Variants in GRID2 observed in about 807,000 individuals in gnomAD.
The protein encoded by GRID2 is glutamate receptor ionotropic, delta-2.
A neutral mutation model predicts 114.8 loss-of-function variants in GRID2; 33 were observed. The ratio of observed to expected loss-of-function variants is 0.29; its 90% CI spans 0.22 to 0.38. GRID2 has a LOEUF of 0.38. Among genes scored for constraint, GRID2 ranks in the 10% least tolerant of loss-of-function variants. The pLI, the probability that GRID2 is intolerant of heterozygous loss-of-function variation, is 1.00. For missense variants in GRID2, 1,184 were observed against 1,257.7 expected, an observed-to-expected ratio of 0.94 and a Z score of 0.89; for synonymous variants, 505 against 449.9, an observed-to-expected ratio of 1.12 and a Z score of -1.55.
At chr4:93,756,259 T>C (rs908603480) in intron 14 of GRID2, among the ~76,000 whole-genome samples, 2 of 152,100 alleles carry the variant, frequency 1.3e-5, no homozygotes, top group Admixed American at 6.5e-5. Flanking sequence ...CATTCCAAAA[T>C]TGGAAAAGTG....
intron 1 of GRID2, among the ~76,000 whole-genome samples, chr4:93,782,998 A>G (rs1220581443): frequency 2.0e-5 from 3 of 152,196 alleles, no homozygotes; most frequent in Non-Finnish European, 4.4e-5. Context: ...ACACAATGTA[A>G]GACTTTCAAA....
At chr4:92,825,481 G>A (rs1210376611) in intron 2 of GRID2, among the ~76,000 whole-genome samples, 1 of 152,074 alleles carries the variant, frequency 6.6e-6, no homozygotes, top group African/African-American at 2.4e-5. Flanking sequence ...TCTTAACATG[G>A]CCAAATGCCA....
intron 2 of GRID2, among the ~76,000 whole-genome samples, chr4:92,766,794 C>T (rs1163505257): frequency 1.3e-5 from 2 of 152,194 alleles, no homozygotes; most frequent in East Asian, 3.9e-4. Flanking sequence ...AACTTTATCT[C>T]TGTATTCATA....
At chr4:93,065,633 A>G (rs1728227899) in intron 2 of GRID2, among the ~76,000 whole-genome samples, 1 of 151,942 alleles carries the variant, frequency 6.6e-6, no homozygotes, top group Non-Finnish European at 1.5e-5. Context: ...ATTCAGAACT[A>G]AAGCTTGGGA....
At chr4:93,698,624 C>A (rs955601716) in intron 14 of GRID2, among the ~76,000 whole-genome samples, 12 of 152,096 alleles carry the variant, frequency 7.9e-5, no homozygotes, top group African/African-American at 2.9e-4. Flanking sequence ...TAATAACTGG[C>A]TGGCATTATA....
chr4:92,311,773 G>A (rs1475823771), intron 1 of GRID2, among the ~76,000 whole-genome samples: 2 of 151,774 alleles, frequency 1.3e-5, no homozygotes, highest in African/African-American at 4.8e-5. Flanking sequence ...GTGCTAATTG[G>A]GAGAATATTC....
chr4:92,699,304 A>C (rs1399518480), intron 2 of GRID2, among the ~76,000 whole-genome samples: 1 of 152,136 alleles, frequency 6.6e-6, no homozygotes, highest in Non-Finnish European at 1.5e-5. Flanking sequence ...TAATGATATT[A>C]ATTTTAAATA....
chr4:92,705,800 T>G lies in GRID2; in HGVS notation c.244+115514T>G, dbSNP rs114352586. Among the ~76,000 whole-genome samples, 366 of 152,310 alleles carry G rather than the reference T, an allele frequency of 2.4e-3. 2 individuals are homozygous for G. The highest frequency in any genetic ancestry group is 8.7e-3 in the African/African-American group (360 of 41,564). ...TATGTATTAGAATGCTGTCAGTAACTTATTATAGTATCTTATTGGATGGTC... is the reference window on the plus strand; with the variant it reads ...TATGTATTAGAATGCTGTCAGTAACGTATTATAGTATCTTATTGGATGGTC... On this transcript the variant is annotated intron_variant, in intron 2 of 15. Coordinates refer to ENST00000282020, the MANE Select transcript of GRID2 (RefSeq NM_001510.4).
In GRID2 at chr4:93,518,716, G is replaced by A. The variant is rs542865645; in HGVS notation, c.2193+3305G>A. The stretch of plus-strand genomic sequence containing the variant: ...TGCTTTATTAAATCAGGTAGCCAGG[G>A]AAGGCTTCACTAAGAAAATAACATT... On this transcript the variant is annotated intron_variant, in intron 13 of 15. Transcript: ENST00000282020. Among the ~76,000 whole-genome samples the A allele has an allele frequency of 7.2e-5, 11 of 152,160 alleles. No homozygotes were observed. In the East Asian group the frequency reaches 2.1e-3, roughly 29 times the overall value.
At chr4:93,259,030 A>G (rs1302261879) in intron 8 of GRID2, 2 of 397,926 alleles carry the variant, frequency 5.0e-6, no homozygotes, top group Non-Finnish European at 9.9e-6. Flanking sequence ...CAGAAAGGGA[A>G]AAAAGATTAA....
intron 2 of GRID2, among the ~76,000 whole-genome samples, chr4:92,694,048 A>G (rs1447077618): frequency 6.6e-6 from 1 of 152,132 alleles, no homozygotes; most frequent in Non-Finnish European, 1.5e-5. Context: ...GGAGATAGTG[A>G]AGGGGATGAA....
chr4:93,502,766 C>A (rs1443564115), intron 12 of GRID2, among the ~76,000 whole-genome samples: 1 of 146,188 alleles, frequency 6.8e-6, no homozygotes, highest in Non-Finnish European at 1.5e-5. Context: ...CGTACTACAG[C>A]CTCCATTTCT....
intron 8 of GRID2, among the ~76,000 whole-genome samples, chr4:93,327,117 T>C (rs1757919628): frequency 6.6e-6 from 1 of 152,200 alleles, no homozygotes; most frequent in Admixed American, 6.5e-5. Context: ...TTTATATTCT[T>C]TTCCTAAATG....
chr4:92,650,118 GA>G, intron 2 of GRID2, among the ~76,000 whole-genome samples: 1 of 151,944 alleles, frequency 6.6e-6, no homozygotes. Context: ...TAGGAGAGGG[GA>G]AAAACAATAG....
chr4:92,308,682 T>A (rs2110105707), intron 1 of GRID2, among the ~76,000 whole-genome samples: 1 of 152,160 alleles, frequency 6.6e-6, no homozygotes, highest in South Asian at 2.1e-4. Flanking sequence ...CACTAAGGAT[T>A]ATTTTGACAA....
At chr4:92,810,669 T>A (rs1019208429) in intron 2 of GRID2, among the ~76,000 whole-genome samples, 1 of 152,258 alleles carries the variant, frequency 6.6e-6, no homozygotes, top group East Asian at 1.9e-4. Context: ...TGAATGGAAG[T>A]GTAATAGTAA....
intron 2 of GRID2, among the ~76,000 whole-genome samples, chr4:92,941,811 T>C (rs1175672030): frequency 6.6e-6 from 1 of 152,218 alleles, no homozygotes; most frequent in Admixed American, 6.5e-5. Flanking sequence ...TATTTCTGCG[T>C]TCATTTTTTT....
At chr4:93,090,935 T>C (rs1014969324) in intron 3 of GRID2, among the ~76,000 whole-genome samples, 3 of 152,116 alleles carry the variant, frequency 2.0e-5, no homozygotes, top group African/African-American at 7.2e-5. Flanking sequence ...CCAGTTCTTG[T>C]TTAAGAGAGA....
In GRID2 at chr4:93,345,528, T is replaced by A. The variant is rs185001321; in HGVS notation, c.1246-50079T>A. On this transcript the variant is annotated intron_variant, in intron 8 of 15. Coordinates refer to ENST00000282020, the MANE Select transcript of GRID2 (RefSeq NM_001510.4). Reference sequence around the variant, plus strand: ...CTTGCTATTGAGTTGTTCAAGTTTCTTATATATTTTGGATATTAATAGTTT... The same window carrying A: ...CTTGCTATTGAGTTGTTCAAGTTTCATATATATTTTGGATATTAATAGTTT... Among the ~76,000 whole-genome samples, 3 of 152,286 alleles carry A rather than the reference T, an allele frequency of 2.0e-5. No homozygotes were observed. In the East Asian group the frequency reaches 5.8e-4, roughly 29 times the overall value.
Sources: allele counts gnomAD v4.1 joint callset (sites outside exome capture counted in the v4.1 genomes callset), GRCh38; gene constraint gnomAD v4.1.1; transcripts MANE v1.5; gene names NCBI Gene and HGNC (gene_info 2026-07-23, HGNC 2026-07-21).